NEXMIF: variants seen among roughly 807,000 people sequenced by gnomAD.
The protein encoded by NEXMIF is neurite extension and migration factor.
Under a neutral mutation model 62.1 loss-of-function variants are expected in NEXMIF, and 8 were observed. The observed-to-expected ratio is 0.13, with a 90% CI of 0.08 to 0.23. NEXMIF has a LOEUF of 0.23. Ranked by LOEUF, NEXMIF falls within the 10% of genes least tolerant of loss-of-function variation. NEXMIF has a pLI of 1.00. For missense variants in NEXMIF, 976 were observed against 1,113.3 expected (o/e 0.88, Z 1.75); for synonymous variants, 404 against 416.6 (o/e 0.97, Z 0.37).
Position 74,897,295 on chromosome X carries a change from G to T in NEXMIF, c.-48+27588C>A, listed in dbSNP as rs2080735727. ...TGGCTTTCTGGGCATACCACTAACTGCCCTACCTACCTCCCACATGGGTTA... is the reference window on the plus strand; with the variant it reads ...TGGCTTTCTGGGCATACCACTAACTTCCCTACCTACCTCCCACATGGGTTA... On this transcript the variant is annotated intron_variant, in intron 1 of 3. Transcript: ENST00000055682. Among the ~76,000 whole-genome samples the T allele has an allele frequency of 2.7e-5, 3 of 111,906 alleles. No individual in the cohort carries two copies. In the South Asian group the frequency reaches 1.1e-3, roughly 42 times the overall value.
chrX:74,841,521 T>G (rs2080473829), intron 1 of NEXMIF, among the ~76,000 whole-genome samples: 1 of 111,855 alleles, frequency 8.9e-6, no homozygotes, highest in Non-Finnish European at 1.9e-5. Context: ...CTATGCTGAA[T>G]AGAAGTGGTG....
intron 1 of NEXMIF, among the ~76,000 whole-genome samples, chrX:74,911,615 G>T (rs946198008): frequency 1.8e-5 from 2 of 112,116 alleles, no homozygotes; most frequent in African/African-American, 6.5e-5. Flanking sequence ...TATAAAGCAT[G>T]TTTATTTTCT....
chrX:74,924,142 C>T (rs1327678161), intron 1 of NEXMIF, among the ~76,000 whole-genome samples: 2 of 111,754 alleles, frequency 1.8e-5, no homozygotes, highest in Non-Finnish European at 3.8e-5. Flanking sequence ...AGCGGGACTC[C>T]GCTCCCCGCG....
chrX:74,748,798 G>T (rs1411768712), intron 1 of NEXMIF, among the ~76,000 whole-genome samples: 1 of 111,545 alleles, frequency 9.0e-6, no homozygotes, highest in Non-Finnish European at 1.9e-5. Context: ...AGGTCTCAGA[G>T]TCTAGGTGAC....
intron 1 of NEXMIF, among the ~76,000 whole-genome samples, chrX:74,922,108 A>C (rs1051249363): frequency 9.0e-6 from 1 of 111,611 alleles, no homozygotes; most frequent in Admixed American, 9.5e-5. Flanking sequence ...CGTGTCCAGG[A>C]TCCATGAACC....
chrX:74,885,440 C>T (rs753443861), intron 1 of NEXMIF, among the ~76,000 whole-genome samples: 21 of 110,908 alleles, frequency 1.9e-4, no homozygotes, highest in South Asian at 1.1e-3. Context: ...ATCAAATAGA[C>T]GCAATAAAAA....
intron 1 of NEXMIF, among the ~76,000 whole-genome samples, chrX:74,791,976 C>T (rs2080285252): frequency 9.0e-6 from 1 of 110,763 alleles, no homozygotes; most frequent in Non-Finnish European, 1.9e-5. Flanking sequence ...CTATTTCCTT[C>T]AGTTCTGCTC....
Position 74,737,583 on chromosome X carries a change from A to G in NEXMIF, c.*1822T>C, listed in dbSNP as rs1169171014. 9.0e-6 allele frequency: 1 copy of G among 111,061 alleles called. No homozygotes were observed. The highest frequency in any genetic ancestry group is 1.9e-5 in the Non-Finnish European group (1 of 52,913). The allele number at this position is 111,061 out of a possible 1,213,427, so 9.2% of individuals were successfully genotyped here. A position where few individuals can be genotyped will look rare whatever the true frequency, so the allele number is the denominator to read the frequency against. ...AGAACACAGGCTTGTTCATTTTACG[A>G]CCCAGCTGTAAGGAATAGAGCAGGC... is the stretch of plus-strand genomic sequence containing the variant. On this transcript the variant is annotated 3_prime_UTR_variant, in exon 4 of 4. Coordinates refer to ENST00000055682, the MANE Select transcript of NEXMIF (RefSeq NM_001008537.3).
intron 1 of NEXMIF, among the ~76,000 whole-genome samples, chrX:74,903,911 G>GTT (rs1164053901): frequency 2.0e-5 from 2 of 102,466 alleles, no homozygotes; most frequent in African/African-American, 7.1e-5. Flanking sequence ...GTGTGTGTGT[G>GTT]TGTGTGTGTG....
chrX:74,827,912 CT>C (rs2080423789), intron 1 of NEXMIF, among the ~76,000 whole-genome samples: 1 of 112,178 alleles, frequency 8.9e-6, no homozygotes, highest in Non-Finnish European at 1.9e-5. Context: ...GTCTTGTTGC[CT>C]TCATGGGTGG....
At chrX:74,808,571 G>T (rs1234891555) in intron 1 of NEXMIF, among the ~76,000 whole-genome samples, 3 of 111,949 alleles carry the variant, frequency 2.7e-5, no homozygotes, top group Non-Finnish European at 5.6e-5. Context: ...TTAGTGTAAT[G>T]CTGGTCTTAT....
At chrX:74,905,128 G>A (rs1177336823) in intron 1 of NEXMIF, among the ~76,000 whole-genome samples, 1 of 111,568 alleles carries the variant, frequency 9.0e-6, no homozygotes, top group Non-Finnish European at 1.9e-5. Context: ...GAGTAGAAAA[G>A]GGGAATGTAA....
Position 74,741,169 on chromosome X carries a change from T to A in NEXMIF, c.3388A>T (p.Thr1130Ser). 8.3e-7 allele frequency: 1 copy of A among 1,211,108 alleles called. No individual in the cohort carries two copies. The highest frequency in any genetic ancestry group is 1.1e-6 in the Non-Finnish European group (1 of 895,125). ...SRQVQMEDGF[T>S]LNNHQFQFHM... Reference sequence around the variant, plus strand: ...AACTGAAACTGGTGATTATTTAAAGTAAATCCATCCTCCATTTGGACCTGC... The same window carrying A: ...AACTGAAACTGGTGATTATTTAAAGAAAATCCATCCTCCATTTGGACCTGC... The change falls in exon 3 of 4, where the codon ACT (threonine) becomes TCT (serine). Residue 1130 changes from threonine to serine, a missense_variant. Transcript: ENST00000055682.
intron 1 of NEXMIF, among the ~76,000 whole-genome samples, chrX:74,773,297 T>C (rs971339997): frequency 8.9e-6 from 1 of 112,183 alleles, no homozygotes; most frequent in East Asian, 2.8e-4. Flanking sequence ...ACAATGGTCT[T>C]ACAAGATAGT....
Position 74,742,365 on chromosome X carries a change from T to G in NEXMIF, c.2192A>C (p.Lys731Thr). 8.3e-7 allele frequency: 1 copy of G among 1,211,416 alleles called. No individual in the cohort carries two copies. Among genetic ancestry groups the G allele is most frequent in the Non-Finnish European group, 1.1e-6 (1 of 895,149 alleles). The change falls in exon 3 of 4, where the codon AAG becomes ACG. Residue 731 changes from lysine to threonine, a missense_variant. Transcript: ENST00000055682. ...TTCTTGCCCAGCAGCTTTGACTTTC[T>G]TAGATTTTAACCTAGCTTCACTTTT... Reference protein sequence around the residue: ...KFKSEARLKSKKVKAAGQESK... With the variant: ...KFKSEARLKSTKVKAAGQESK...
chrX:74,774,611 G>T (rs1490943020), intron 1 of NEXMIF, among the ~76,000 whole-genome samples: 3 of 112,050 alleles, frequency 2.7e-5, no homozygotes, highest in Non-Finnish European at 3.8e-5. Context: ...CTTAAAATGT[G>T]CTCTGTAGCT....
chrX:74,760,261 A>G (rs1376526353), intron 1 of NEXMIF, among the ~76,000 whole-genome samples: 2 of 111,949 alleles, frequency 1.8e-5, no homozygotes, highest in African/African-American at 6.5e-5. Context: ...ACTTTGCTGA[A>G]GTTGTTTATT....
At chrX:74,876,597 A>C (rs749989131) in intron 1 of NEXMIF, among the ~76,000 whole-genome samples, 3,628 of 101,611 alleles carry the variant, frequency 0.036, 90 homozygotes, top group Non-Finnish European at 0.055. Context: ...GGGGTGTTAA[A>C]GTCTCCCATT....
At chrX:74,808,015 A>G (rs1240508847) in intron 1 of NEXMIF, among the ~76,000 whole-genome samples, 1 of 112,068 alleles carries the variant, frequency 8.9e-6, no homozygotes, top group African/African-American at 3.2e-5. Context: ...CTTTTTCTGC[A>G]TCTATTGATA....
Sources: allele counts gnomAD v4.1 joint callset (sites outside exome capture counted in the v4.1 genomes callset), GRCh38; gene constraint gnomAD v4.1.1; transcripts MANE v1.5; gene names NCBI Gene and HGNC (gene_info 2026-07-23, HGNC 2026-07-21).